Variants in CTSV observed in about 807,000 individuals in gnomAD.
The protein encoded by CTSV is cathepsin V.
Under a neutral mutation model 35.6 loss-of-function variants are expected in CTSV, and 33 were observed. That is an observed-to-expected ratio of 0.93 (90% CI 0.70 to 1.24). The LOEUF (loss-of-function observed/expected upper bound fraction) is 1.24, where lower values mean the gene tolerates loss of function less well. CTSV is among the 50% of genes most tolerant of loss of function. The probability of loss-of-function intolerance (pLI) is 0.00; values close to 1 mark genes in which losing one functional copy is unlikely to be tolerated. For synonymous variants in CTSV, 154 were observed against 147.1 expected (o/e 1.05, Z -0.34); for missense variants, 408 against 413.1 (o/e 0.99, Z 0.11).
In CTSV at chr9:97,036,843, A is replaced by AAC. The variant is rs1179107192; in HGVS notation, c.397-97_397-96insGT. 5.8e-6 allele frequency: 7 copies of AAC among 1,201,756 alleles called. No individual in the cohort carries two copies. The East Asian group carries it at 1.6e-4, about 27-fold the overall frequency. The allele number at this position is 1,201,756 out of a possible 1,614,324, so 74.4% of individuals were successfully genotyped here. ...ACCTTAATATTCTTTAAAAAAAAAA[A>AAC]AAACCCATCGCCACACTTTGGGAGG... On this transcript the variant is annotated intron_variant, in intron 4 of 7. Coordinates refer to ENST00000259470, the MANE Select transcript of CTSV (RefSeq NM_001333.4).
intron 5 of CTSV, 191 bp downstream of exon 5, chr9:97,036,332 A>G: frequency 3.3e-6 from 2 of 615,180 alleles, no homozygotes; most frequent in Middle Eastern, 3.5e-4. Context: ...CGGCCTCCCA[A>G]ACTGCTGGGA....
chr9:97,038,287 G>A lies in CTSV; in HGVS notation c.-10-234C>T, dbSNP rs1828892341. 3 of 396,808 alleles carry A rather than the reference G, an allele frequency of 7.6e-6. No homozygotes were observed. In the Admixed American group the frequency reaches 1.1e-4, roughly 15 times the overall value. The allele number at this position is 396,808 out of a possible 1,614,324, so 24.6% of individuals were successfully genotyped here. A position where few individuals can be genotyped will look rare whatever the true frequency, so the allele number is the denominator to read the frequency against. ...CGATAATTTAGGGTATGAGAAGGGT[G>A]TGAAAGATACCTGACGGGTGAGAAG... On this transcript the variant is annotated intron_variant, in intron 1 of 7. Transcript: ENST00000259470.
Position 97,030,482 on chromosome 9 carries a change from G to A in CTSV, c.*2467C>T, listed in dbSNP as rs1828723723. ...TGGAGACCCTAACCCAGAGGCGCTA[G>A]AGAAATTAAAGACACACACCCAGAA... On this transcript the variant is annotated 3_prime_UTR_variant, in exon 8 of 8. Transcript: ENST00000259470. 6.6e-6 allele frequency: 1 copy of A among 152,182 alleles called. No homozygotes were observed. Among genetic ancestry groups the A allele is most frequent in the Admixed American group, 6.5e-5 (1 of 15,280 alleles). The allele number at this position is 152,182 out of a possible 1,614,324, so 9.4% of individuals were successfully genotyped here.
At position 97,036,578 on chromosome 9, in the gene CTSV, T is replaced by C. The variant is rs778157748; in HGVS notation, c.566A>G (p.Tyr189Cys). The change falls in exon 5 of 8, where the codon TAT becomes TGT. Residue 189 changes from tyrosine to cysteine, a missense_variant. By Grantham distance (194) the Tyr-to-Cys change is radical. Coordinates refer to ENST00000259470, the MANE Select transcript of CTSV (RefSeq NM_001333.4). ...NGGFMARAFQ[Y>C]VKENGGLDSE... ...GTCCAGGCCTCCGTTCTCCTTGACATACTGGAAGGCCCTAGCCATGAAGCC... is the reference window on the plus strand; with the variant it reads ...GTCCAGGCCTCCGTTCTCCTTGACACACTGGAAGGCCCTAGCCATGAAGCC... The C allele has an allele frequency of 1.3e-5, 21 of 1,614,104 alleles. No homozygotes were observed. In the South Asian group the frequency reaches 1.9e-4, roughly 14 times the overall value.
Position 97,031,275 on chromosome 9 carries a change from A to T in CTSV, c.*1674T>A, listed in dbSNP as rs1265875082. The stretch of plus-strand genomic sequence containing the variant: ...CTGAATATGGTAGACTGGATTTTCC[A>T]GAGATGGCTGTGGACATAGGCTATC... On this transcript the variant is annotated 3_prime_UTR_variant, in exon 8 of 8. Transcript: ENST00000259470. The T allele has an allele frequency of 6.6e-6, 1 of 152,240 alleles. No homozygotes were observed. The highest frequency in any genetic ancestry group is 1.5e-5 in the Non-Finnish European group (1 of 68,050). The allele number at this position is 152,240 out of a possible 1,614,324, so 9.4% of individuals were successfully genotyped here.
rs540353589 is a variant in CTSV, at chr9:97,030,511, T to C, written c.*2438A>G. ...AATTAAAGACACACACCCAGAAATA[T>C]AGCATGCAGAGTGGGAAATCAGGGG... On this transcript the variant is annotated 3_prime_UTR_variant, in exon 8 of 8. Transcript: ENST00000259470. 3 of 152,154 alleles carry C rather than the reference T, an allele frequency of 2.0e-5. No individual in the cohort carries two copies. Among genetic ancestry groups the C allele is most frequent in the Admixed American group, 6.5e-5 (1 of 15,290 alleles). 9.4% of individuals were successfully genotyped at this position (152,154 alleles called of 1,614,324 possible).
chr9:97,038,408 T>C, intron 1 of CTSV: 1 of 185,600 alleles, frequency 5.4e-6, no homozygotes, highest in Admixed American at 5.4e-5. Context: ...AATGAAGACG[T>C]ACCATCCCAA....
In CTSV at chr9:97,032,599, G is replaced by T; in HGVS notation, c.*350C>A. 1 of 179,566 alleles carries T rather than the reference G, an allele frequency of 5.6e-6. No homozygotes were observed. The allele number at this position is 179,566 out of a possible 1,614,324, so 11.1% of individuals were successfully genotyped here. A position where few individuals can be genotyped will look rare whatever the true frequency, so the allele number is the denominator to read the frequency against. On this transcript the variant is annotated 3_prime_UTR_variant, in exon 8 of 8. Coordinates refer to ENST00000259470, the MANE Select transcript of CTSV (RefSeq NM_001333.4). ...TGGCACATGAAGTTATTATTTCAGA[G>T]CTTAATTATATTTCCTGACTACACA... is the stretch of plus-strand genomic sequence containing the variant.
chr9:97,037,958 C>A lies in CTSV; in HGVS notation c.86G>T (p.Trp29Leu). 6.2e-7 allele frequency: 1 copy of A among 1,614,016 alleles called. No homozygotes were observed. Among genetic ancestry groups the A allele is most frequent in the Non-Finnish European group, 8.5e-7 (1 of 1,180,000 alleles). Residue 29 changes from tryptophan (W) to leucine (L), a missense_variant, in exon 2 of 8, where the codon TGG becomes TTG. Transcript: ENST00000259470. ...PKFDQNLDTK[W>L]YQWKATHRRL... Reference sequence around the variant, plus strand: ...TCTGTGTGTTGCCTTCCACTGGTACCACTTTGTATCCAAATTTTGGTCAAA... The same window carrying A: ...TCTGTGTGTTGCCTTCCACTGGTACAACTTTGTATCCAAATTTTGGTCAAA...
chr9:97,038,028 C>T lies in CTSV; in HGVS notation c.16G>A (p.Val6Ile), dbSNP rs374778355. The change falls in exon 2 of 8, where the codon GTC becomes ATC. Residue 6 changes from valine to isoleucine, a missense_variant. Transcript: ENST00000259470. ...ATTCCCAAGCAAAAGGCAGCCAGGA[C>T]GAGCGAAAGATTCATGTTTCAAAAC... Reference protein sequence around the residue: MNLSLVLAAFCLGIAS... With the variant: MNLSLILAAFCLGIAS... The T allele has an allele frequency of 6.8e-6, 11 of 1,613,500 alleles. No individual in the cohort carries two copies. The African/African-American group carries it at 9.3e-5, about 14-fold the overall frequency.
intron 2 of CTSV, 114 bp from the exon 3 acceptor site, chr9:97,037,729 C>A (rs1008491512): frequency 6.8e-7 from 1 of 1,481,300 alleles, no homozygotes; most frequent in Non-Finnish European, 9.2e-7. Flanking sequence ...TGGGTTGATA[C>A]TTCTCTGGGA....
Position 97,037,985 on chromosome 9 carries a change from T to A in CTSV, c.59A>T (p.Lys20Ile). The A allele has an allele frequency of 1.2e-6, 2 of 1,614,086 alleles. No individual in the cohort carries two copies. The highest frequency in any genetic ancestry group is 2.2e-5 in the South Asian group (2 of 91,070). The stretch of plus-strand genomic sequence containing the variant: ...CTTTGTATCCAAATTTTGGTCAAAT[T>A]TTGGAACAGCGGAGGCTATTCCCAA... ...FCLGIASAVP[K>I]FDQNLDTKWY... Residue 20 changes from lysine to isoleucine, a missense_variant, in exon 2 of 8, where the codon AAA becomes ATA. Lys to Ile is a moderately radical substitution (Grantham distance 102). Coordinates refer to ENST00000259470, the MANE Select transcript of CTSV (RefSeq NM_001333.4).
At chr9:97,036,832 T>TAAAAAAAAA in intron 4 of CTSV, 85 bp from the exon 5 acceptor site, 2 of 892,270 alleles carry the variant, frequency 2.2e-6, no homozygotes, top group Non-Finnish European at 3.1e-6. Flanking sequence ...TAATATTCTT[T>TAAAAAAAAA]AAAAAAAAAA....
At position 97,034,813 on chromosome 9, in the gene CTSV, T is replaced by G. The variant is rs778671195; in HGVS notation, c.818A>C (p.Lys273Thr). 2 of 1,614,194 alleles carry G rather than the reference T, an allele frequency of 1.2e-6. No individual in the cohort carries two copies. The highest frequency in any genetic ancestry group is 1.7e-6 in the Non-Finnish European group (2 of 1,180,026). ...GIYFEPDCSS[K>T]NLDHGVLVVG... ...CACCAGAACACCATGATCCAGGTTT[T>G]TGCTGCTGCAGTCTGGTTCAAAATA... is the stretch of plus-strand genomic sequence containing the variant. The change falls in exon 7 of 8, where the codon AAA (lysine) becomes ACA (threonine). Residue 273 changes from lysine to threonine, a missense_variant. Transcript: ENST00000259470.
At chr9:97,037,668 T>C (rs1270205150) in intron 2 of CTSV, 53 bp from the exon 3 acceptor site, 1 of 1,598,004 alleles carries the variant, frequency 6.3e-7, no homozygotes, top group African/African-American at 1.3e-5. Flanking sequence ...CCAACCCATG[T>C]TCACCAAGCC....
intron 7 of CTSV, 105 bp downstream of exon 7, chr9:97,034,621 T>A: frequency 1.2e-6 from 1 of 842,102 alleles, no homozygotes; most frequent in Non-Finnish European, 2.0e-6. Context: ...GTGTTCACTC[T>A]AAGTAGAAGA....
chr9:97,037,438 T>C (rs1423305088), intron 3 of CTSV, 40 bp from the exon 4 acceptor site: 2 of 1,613,696 alleles, frequency 1.2e-6, no homozygotes, highest in South Asian at 1.1e-5. Flanking sequence ...AGCAAGACTA[T>C]TTTGGTGAAG....
chr9:97,033,020 A>G lies in CTSV; in HGVS notation c.934T>C (p.Tyr312His), dbSNP rs1192805897. Residue 312 changes from tyrosine to histidine, a missense_variant, in exon 8 of 8, where the codon TAT (tyrosine) becomes CAT (histidine). Coordinates refer to ENST00000259470, the MANE Select transcript of CTSV (RefSeq NM_001333.4). The stretch of plus-strand genomic sequence containing the variant: ...TTCTTGTCTTTGGCTATTTTTACAT[A>G]GCCATTCGAGCCCCATTCTGGACCC... ...SWGPEWGSNG[Y>H]VKIAKDKNNH... 7.4e-6 allele frequency: 12 copies of G among 1,613,044 alleles called. No individual in the cohort carries two copies. Among genetic ancestry groups the G allele is most frequent in the Admixed American group, 1.7e-5 (1 of 59,806 alleles).
rs1041355215 is a variant in CTSV, at chr9:97,037,935, T to C, written c.109A>G (p.Arg37Gly). 3.1e-6 allele frequency: 5 copies of C among 1,614,020 alleles called. No individual in the cohort carries two copies. The highest frequency in any genetic ancestry group is 1.3e-5 in the African/African-American group (1 of 74,902). ...TKWYQWKATH[R>G]RLYGANEEGW... Reference sequence around the variant, plus strand: ...TTACCAACCGCGCCATATAATCTTCTGTGTGTTGCCTTCCACTGGTACCAC... The same window carrying C: ...TTACCAACCGCGCCATATAATCTTCCGTGTGTTGCCTTCCACTGGTACCAC... Residue 37 changes from arginine to glycine, a missense_variant, in exon 2 of 8, where the codon AGA (arginine) becomes GGA (glycine). Transcript: ENST00000259470.
Sources: allele counts gnomAD v4.1 joint callset, GRCh38; gene constraint gnomAD v4.1.1; transcripts MANE v1.5; gene names NCBI Gene and HGNC (gene_info 2026-07-23, HGNC 2026-07-21).